Variants in KLF12 observed in about 807,000 individuals in gnomAD.
The protein encoded by KLF12 is KLF transcription factor 12, also known as Krueppel-like factor 12.
In KLF12, 9 loss-of-function variants were observed where a neutral mutation model predicts 37.8. The ratio of observed to expected loss-of-function variants is 0.24; its 90% CI spans 0.14 to 0.42. The LOEUF (loss-of-function observed/expected upper bound fraction) is 0.42. Among genes scored for constraint, KLF12 ranks in the 10% least tolerant of loss-of-function variants. The pLI, the probability that KLF12 is intolerant of heterozygous loss-of-function variation, is 1.00. For missense variants in KLF12, 411 were observed against 516.0 expected (o/e 0.80, Z 1.97); for synonymous variants, 208 against 202.1 (o/e 1.03, Z -0.25).
At chr13:73,971,339 A>G (rs1481795012) in intron 2 of KLF12, among the ~76,000 whole-genome samples, 1 of 152,208 alleles carries the variant, frequency 6.6e-6, no homozygotes, top group African/African-American at 2.4e-5. Context: ...AATAGACTAC[A>G]TAACCAAACC....
At chr13:74,114,217 A>G (rs1333010247) in intron 1 of KLF12, among the ~76,000 whole-genome samples, 1 of 152,194 alleles carries the variant, frequency 6.6e-6, no homozygotes, top group African/African-American at 2.4e-5. Context: ...CACCCCGATC[A>G]GTCAGCAGCC....
upstream of KLF12, among the ~76,000 whole-genome samples, chr13:74,134,464 C>T (rs1449940654): frequency 1.3e-5 from 2 of 152,038 alleles, no homozygotes; most frequent in Non-Finnish European, 2.9e-5. Context: ...TAGAAGGCAA[C>T]ACCCACTGCC....
intron 5 of KLF12, among the ~76,000 whole-genome samples, chr13:73,810,619 T>C (rs1476414114): frequency 6.9e-6 from 1 of 145,218 alleles, no homozygotes; most frequent in East Asian, 2.0e-4. Flanking sequence ...TAAAGTTTAA[T>C]TTAAAAGAAA....
At chr13:74,052,027 A>C (rs1593859557) in intron 1 of KLF12, among the ~76,000 whole-genome samples, 1 of 152,286 alleles carries the variant, frequency 6.6e-6, no homozygotes, top group South Asian at 2.1e-4. Context: ...GTATCAATAA[A>C]CATAAAATGA....
At chr13:74,146,585 A>G in the KLF12 span, among the ~76,000 whole-genome samples, 3 of 152,228 alleles carry the variant, frequency 2.0e-5, no homozygotes, top group African/African-American at 7.2e-5. Flanking sequence ...TCTTTTAAAA[A>G]ACAGTCTTAA....
the KLF12 span, among the ~76,000 whole-genome samples, chr13:74,144,269 A>G: frequency 3.1e-4 from 47 of 152,344 alleles, no homozygotes; most frequent in African/African-American, 1.1e-3. Flanking sequence ...CAGTGCATCA[A>G]TAATTGTTAT....
chr13:73,954,400 T>C (rs896537872), intron 2 of KLF12, among the ~76,000 whole-genome samples: 5 of 152,110 alleles, frequency 3.3e-5, no homozygotes, highest in African/African-American at 7.3e-5. Flanking sequence ...GAGCATGGTA[T>C]TGGTTTCTAG....
chr13:74,052,792 G>A lies in KLF12; in HGVS notation c.-31-57739C>T, dbSNP rs148067336. Among the ~76,000 whole-genome samples, 4 of 152,238 alleles carry A rather than the reference G, an allele frequency of 2.6e-5. No individual in the cohort carries two copies. The East Asian group carries it at 5.8e-4, about 22-fold the overall frequency. The stretch of plus-strand genomic sequence containing the variant: ...TCCCTCCCATTACTACAGCTGAGAT[G>A]AAAAGTTGAAGGGCAACTGGCTCTC... On this transcript the variant is annotated intron_variant, in intron 1 of 7. Transcript: ENST00000377669.
chr13:73,777,995 A>G (rs1449641154), intron 5 of KLF12, among the ~76,000 whole-genome samples: 2 of 150,972 alleles, frequency 1.3e-5, no homozygotes, highest in Non-Finnish European at 3.0e-5. Flanking sequence ...TCAGCTGGGC[A>G]TGGTGGCGCA....
chr13:74,027,288 GTCT>G (rs530004901), intron 1 of KLF12, among the ~76,000 whole-genome samples: 95 of 151,488 alleles, frequency 6.3e-4, no homozygotes, highest in African/African-American at 2.1e-3. Context: ...TTCTCTAACT[GTCT>G]TCTTTTCTCT....
intron 1 of KLF12, among the ~76,000 whole-genome samples, chr13:74,036,677 A>C (rs1893254564): frequency 6.6e-6 from 1 of 152,236 alleles, no homozygotes; most frequent in Non-Finnish European, 1.5e-5. Flanking sequence ...GTGGTGGGAC[A>C]GGAGGCAGGG....
intron 1 of KLF12, among the ~76,000 whole-genome samples, chr13:74,092,945 C>T (rs1419716266): frequency 6.6e-6 from 1 of 152,206 alleles, no homozygotes; most frequent in Admixed American, 6.5e-5. Context: ...AGCCCACTTC[C>T]TTTTCACTGT....
the KLF12 span, among the ~76,000 whole-genome samples, chr13:74,185,731 C>T: frequency 6.6e-6 from 1 of 152,076 alleles, no homozygotes; most frequent in South Asian, 2.1e-4. Flanking sequence ...ACTGCAACCT[C>T]CACCTCCCAG....
At chr13:74,085,264 C>T (rs1377633086) in intron 1 of KLF12, among the ~76,000 whole-genome samples, 1 of 152,268 alleles carries the variant, frequency 6.6e-6, no homozygotes, top group East Asian at 1.9e-4. Context: ...ACGGGGATAC[C>T]TCATCACCTG....
chr13:73,928,734 C>A (rs1272300625), intron 3 of KLF12, among the ~76,000 whole-genome samples: 1 of 152,160 alleles, frequency 6.6e-6, no homozygotes, highest in African/African-American at 2.4e-5. Context: ...TAAGTTGCCA[C>A]TTTGTATCAC....
intron 1 of KLF12, among the ~76,000 whole-genome samples, chr13:74,040,155 G>C (rs1893362556): frequency 6.6e-6 from 1 of 152,126 alleles, no homozygotes; most frequent in African/African-American, 2.4e-5. Flanking sequence ...GTATATCACA[G>C]GGTTATTAAT....
chr13:74,301,176 C>T, the KLF12 span, among the ~76,000 whole-genome samples: 1 of 152,158 alleles, frequency 6.6e-6, no homozygotes, highest in Non-Finnish European at 1.5e-5. Flanking sequence ...AGGAACAGTA[C>T]ATCTAGAACA....
intron 4 of KLF12, among the ~76,000 whole-genome samples, chr13:73,842,467 G>C (rs760846858): frequency 6.6e-6 from 1 of 152,136 alleles, no homozygotes; most frequent in Non-Finnish European, 1.5e-5. Flanking sequence ...TGTATCTTTG[G>C]TGTCAATAAA....
At chr13:73,775,844 T>A (rs866900229) in intron 5 of KLF12, among the ~76,000 whole-genome samples, 28 of 152,366 alleles carry the variant, frequency 1.8e-4, no homozygotes, top group Middle Eastern at 6.8e-3. Flanking sequence ...AAAGTTAAAG[T>A]ATATAATACA....
Sources: gnomAD v4.1 joint callset for allele counts (sites outside exome capture counted in the v4.1 genomes callset) on GRCh38, gnomAD v4.1.1 for gene constraint, MANE v1.5 for transcripts, NCBI Gene and HGNC (gene_info 2026-07-23, HGNC 2026-07-21) for gene names.